Variants in LRP6 observed in about 807,000 individuals in gnomAD.
LRP6 encodes the protein LDL receptor related protein 6, also known as low-density lipoprotein receptor-related protein 6.
In LRP6, 43 loss-of-function variants were observed where a neutral mutation model predicts 184.1. That is an observed-to-expected ratio of 0.23 (90% confidence interval 0.18 to 0.30). The LOEUF is 0.30. Among genes scored for constraint, LRP6 ranks in the 10% least tolerant of loss-of-function variants. The pLI, the probability that LRP6 is intolerant of heterozygous loss-of-function variation, is 1.00. For synonymous variants in LRP6, 719 were observed against 684.9 expected (o/e 1.05, Z -0.78); for missense variants, 1,571 against 2,005.3 (o/e 0.78, Z 4.14).
chr12:12,128,992 T>C (rs893721106), intron 19 of LRP6, among the ~76,000 whole-genome samples: 1 of 152,228 alleles, frequency 6.6e-6, no homozygotes, highest in Admixed American at 6.5e-5. Flanking sequence ...CTTTTTAAAT[T>C]ACAGGCTGCA....
At chr12:12,158,680 A>G (rs1004263035) in intron 12 of LRP6, 149 bp downstream of exon 12, 8 of 741,054 alleles carry the variant, frequency 1.1e-5, no homozygotes, top group Admixed American at 2.4e-5. Flanking sequence ...AATAAGTAAC[A>G]AACACTTGCA....
At chr12:12,137,455 G>A (rs1002265730) in intron 16 of LRP6, among the ~76,000 whole-genome samples, 1 of 151,990 alleles carries the variant, frequency 6.6e-6, no homozygotes, top group African/African-American at 2.4e-5. Flanking sequence ...GGGGCTCATG[G>A]AGATGGCTAT....
chr12:12,235,054 G>C (rs1001326616), intron 2 of LRP6, among the ~76,000 whole-genome samples: 2 of 152,102 alleles, frequency 1.3e-5, no homozygotes, highest in Admixed American at 6.6e-5. Flanking sequence ...ACACTTTCCT[G>C]AGTATAAATT....
intron 14 of LRP6, among the ~76,000 whole-genome samples, 187 bp from the exon 15 acceptor site, chr12:12,147,743 G>A (rs1005198541): frequency 3.3e-5 from 5 of 152,172 alleles, no homozygotes; most frequent in African/African-American, 4.8e-5. Flanking sequence ...AGACTGAGGC[G>A]GGGGTATTGC....
chr12:12,181,511 TCAAGAA>T (rs1395331833), intron 5 of LRP6, 72 bp from the exon 6 acceptor site: 2 of 813,944 alleles, frequency 2.5e-6, no homozygotes, highest in East Asian at 4.9e-5. Flanking sequence ...AGATAAAGAA[TCAAGAA>T]CTGAAAAATA....
intron 13 of LRP6, among the ~76,000 whole-genome samples, chr12:12,149,664 A>T (rs780457780): frequency 2.0e-5 from 3 of 152,228 alleles, no homozygotes; most frequent in Non-Finnish European, 2.9e-5. Context: ...GCAGCCCCCC[A>T]CAACAAACAA....
intron 2 of LRP6, among the ~76,000 whole-genome samples, chr12:12,227,436 T>G (rs1300734436): frequency 1.3e-5 from 2 of 151,764 alleles, no homozygotes; most frequent in Non-Finnish European, 2.9e-5. Context: ...ACACAGAGTT[T>G]TACTCTTGTT....
intron 22 of LRP6, among the ~76,000 whole-genome samples, chr12:12,124,191 T>C (rs370188505): frequency 7.2e-5 from 11 of 151,982 alleles, no homozygotes; most frequent in African/African-American, 2.4e-4. Flanking sequence ...CTGGCCAACA[T>C]GGTGAAACCA....
At chr12:12,250,720 T>G (rs1049520069) in intron 1 of LRP6, among the ~76,000 whole-genome samples, 3 of 151,508 alleles carry the variant, frequency 2.0e-5, no homozygotes, top group African/African-American at 7.3e-5. Context: ...ACTCCCTGGT[T>G]CAAGAGATTC....
rs1949594786 is a variant in LRP6, at chr12:12,120,825, T to C, written c.*301A>G. 1 of 215,808 alleles carries C rather than the reference T, an allele frequency of 4.6e-6. No individual in the cohort carries two copies. Among genetic ancestry groups the C allele is most frequent in the African/African-American group, 2.3e-5 (1 of 43,538 alleles). 13.4% of individuals were successfully genotyped at this position (215,808 alleles called of 1,614,324 possible). A position where few individuals can be genotyped will look rare whatever the true frequency, so the allele number is the denominator to read the frequency against. ...TTATTCCTGTTTCCTTTGTACTCAG[T>C]TGCTTCACTGGGTTTAAGGCATGCT... On this transcript the variant is annotated 3_prime_UTR_variant, in exon 23 of 23. Transcript: ENST00000261349.
chr12:12,214,637 G>A (rs1394309268), intron 2 of LRP6, among the ~76,000 whole-genome samples: 1 of 152,194 alleles, frequency 6.6e-6, no homozygotes, highest in Non-Finnish European at 1.5e-5. Flanking sequence ...AGTCATGTGA[G>A]AACTTTCTTT....
chr12:12,249,305 C>G (rs781553877), intron 1 of LRP6: 5 of 1,135,366 alleles, frequency 4.4e-6, no homozygotes, highest in Non-Finnish European at 6.7e-6. Context: ...AGAGCCATAT[C>G]AGTGCTAGCA....
chr12:12,131,096 C>CT (rs1949746766), intron 18 of LRP6, among the ~76,000 whole-genome samples: 141 of 105,362 alleles, frequency 1.3e-3, no homozygotes, highest in African/African-American at 4.4e-3. Flanking sequence ...AATTTCCTAA[C>CT]ATTTTTTTTT....
At chr12:12,257,629 A>C (rs1481308920) in intron 1 of LRP6, among the ~76,000 whole-genome samples, 1 of 150,108 alleles carries the variant, frequency 6.7e-6, no homozygotes, top group Non-Finnish European at 1.5e-5. Flanking sequence ...TTAATGAAAA[A>C]AAAAAAAGAA....
chr12:12,140,938 T>C (rs1256691481), intron 15 of LRP6, among the ~76,000 whole-genome samples: 2 of 152,204 alleles, frequency 1.3e-5, no homozygotes, highest in Non-Finnish European at 2.9e-5. Flanking sequence ...AACATTAGCA[T>C]ATCAAATCCA....
intron 7 of LRP6, among the ~76,000 whole-genome samples, chr12:12,171,544 TAAATA>T (rs1247912902): frequency 1.4e-5 from 2 of 140,236 alleles, no homozygotes; most frequent in African/African-American, 2.8e-5. Flanking sequence ...AATAAATAAA[TAAATA>T]AATAAATAAA....
intron 3 of LRP6, among the ~76,000 whole-genome samples, chr12:12,189,110 GA>G (rs1273628988): frequency 6.6e-6 from 1 of 152,070 alleles, no homozygotes; most frequent in Non-Finnish European, 1.5e-5. Flanking sequence ...TAAACATATG[GA>G]AAAGGCAAAA....
At chr12:12,231,806 G>C (rs1017189343) in intron 2 of LRP6, among the ~76,000 whole-genome samples, 1 of 151,696 alleles carries the variant, frequency 6.6e-6, no homozygotes, top group Admixed American at 6.6e-5. Context: ...CTTGAGCCCA[G>C]GAATTCAAGT....
intron 3 of LRP6, among the ~76,000 whole-genome samples, chr12:12,199,226 G>T (rs1863850277): frequency 6.6e-6 from 1 of 152,038 alleles, no homozygotes; most frequent in Non-Finnish European, 1.5e-5. Flanking sequence ...TTGTCATATA[G>T]CATGAACACA....
Sources: gnomAD v4.1 joint callset for allele counts (sites outside exome capture counted in the v4.1 genomes callset) on GRCh38, gnomAD v4.1.1 for gene constraint, MANE v1.5 for transcripts, NCBI Gene and HGNC (gene_info 2026-07-23, HGNC 2026-07-21) for gene names.